MANBA: variants seen among roughly 807,000 people sequenced by gnomAD.
MANBA encodes the protein beta-mannosidase.
MANBA carries 83 observed loss-of-function variants against 111.1 expected under a neutral mutation model. That is an observed-to-expected ratio of 0.75 (90% CI 0.63 to 0.90). The LOEUF (loss-of-function observed/expected upper bound fraction) is 0.90. Ranked by LOEUF, MANBA falls within the 40% of genes least tolerant of loss-of-function variation. MANBA has a pLI of 0.00. For missense variants in MANBA, 1,036 were observed against 1,069.0 expected (o/e 0.97, Z 0.43); for synonymous variants, 370 against 378.7 (o/e 0.98, Z 0.27).
chr4:102,656,019 G>A (rs915667066), intron 12 of MANBA, among the ~76,000 whole-genome samples: 1 of 152,136 alleles, frequency 6.6e-6, no homozygotes, highest in Non-Finnish European at 1.5e-5. Context: ...TTGGGAGCCC[G>A]AGGTAGGAAG....
rs773251337 is a variant in MANBA at position 102,671,288 on chromosome 4, C to A, written c.1223G>T (p.Gly408Val). The change falls in exon 9 of 17, where the codon GGA becomes GTA. Residue 408 changes from glycine to valine, a missense_variant. Physicochemically the swap from Gly to Val is moderately radical, Grantham distance 109 (BLOSUM62 -3). Transcript: ENST00000647097. ...DEFYELCDELGIMVWQDFMFA... is the reference protein window; with the variant it reads ...DEFYELCDELVIMVWQDFMFA... ...ATGCTATCAACTTCTCACCATTATT[C>A]CTAGTTCATCACAGAGTTCATAGAA... 5 of 1,553,720 alleles carry A rather than the reference C, an allele frequency of 3.2e-6. No individual in the cohort carries two copies. Among genetic ancestry groups the A allele is most frequent in the Admixed American group, 3.3e-5 (2 of 59,924 alleles).
chr4:102,726,807 C>T, intron 1 of MANBA, 124 bp from the exon 2 acceptor site: 1 of 657,768 alleles, frequency 1.5e-6, no homozygotes, highest in Non-Finnish European at 2.7e-6. Flanking sequence ...AACTTTTAGC[C>T]TAGTAGTACA....
chr4:102,657,226 G>A (rs1173972968), intron 12 of MANBA, among the ~76,000 whole-genome samples: 1 of 124,932 alleles, frequency 8.0e-6, no homozygotes, highest in Non-Finnish European at 1.7e-5. Flanking sequence ...GTGGGGTGGG[G>A]GGGGGGTGGG....
At chr4:102,717,896 G>A (rs1298096218) in intron 4 of MANBA, among the ~76,000 whole-genome samples, 1 of 152,194 alleles carries the variant, frequency 6.6e-6, no homozygotes, top group Admixed American at 6.5e-5. Context: ...AAGAAAAGCA[G>A]TGCTGTGATC....
intron 1 of MANBA, among the ~76,000 whole-genome samples, chr4:102,749,377 T>C (rs552473682): frequency 6.6e-6 from 1 of 152,156 alleles, no homozygotes; most frequent in East Asian, 1.9e-4. Flanking sequence ...CAAAGAGAAT[T>C]CCAAGAGACG....
At chr4:102,681,137 C>CA (rs1210765196) in intron 7 of MANBA, among the ~76,000 whole-genome samples, 1 of 152,060 alleles carries the variant, frequency 6.6e-6, no homozygotes, top group Non-Finnish European at 1.5e-5. Context: ...TGTGTTGCAA[C>CA]ACCCACTTAC....
At chr4:102,656,912 C>T (rs1209795688) in intron 12 of MANBA, among the ~76,000 whole-genome samples, 2 of 151,964 alleles carry the variant, frequency 1.3e-5, no homozygotes, top group Non-Finnish European at 2.9e-5. Context: ...GTGCCTAAAA[C>T]TGGGGAGGAG....
intron 1 of MANBA, among the ~76,000 whole-genome samples, chr4:102,740,861 A>T (rs1723377396): frequency 6.6e-6 from 1 of 152,184 alleles, no homozygotes; most frequent in African/African-American, 2.4e-5. Context: ...AGAAGATAAC[A>T]TCAGAAAAAC....
intron 1 of MANBA, among the ~76,000 whole-genome samples, chr4:102,731,887 C>G (rs1723044129): frequency 1.3e-5 from 2 of 150,852 alleles, no homozygotes; most frequent in South Asian, 4.2e-4. Context: ...TCTTTCTTCT[C>G]CTACCCCCTT....
chr4:102,669,384 C>T (rs995622684), intron 9 of MANBA, among the ~76,000 whole-genome samples: 2 of 152,284 alleles, frequency 1.3e-5, no homozygotes, highest in African/African-American at 4.8e-5. Flanking sequence ...TAATTCATTC[C>T]AATTTTCACC....
At chr4:102,648,397 G>A (rs1730192955) in intron 13 of MANBA, among the ~76,000 whole-genome samples, 1 of 152,014 alleles carries the variant, frequency 6.6e-6, no homozygotes, top group Non-Finnish European at 1.5e-5. Context: ...AATAGTATTT[G>A]GCAAGAAAAA....
At chr4:102,688,266 C>T (rs987584679) in intron 7 of MANBA, among the ~76,000 whole-genome samples, 2 of 151,814 alleles carry the variant, frequency 1.3e-5, no homozygotes, top group Non-Finnish European at 2.9e-5. Context: ...TCTCCCTGTA[C>T]ATAACTCTGT....
Position 102,671,333 on chromosome 4 carries a change from C to T in MANBA, c.1178G>A (p.Gly393Glu). Residue 393 changes from glycine to glutamate, a missense_variant, in exon 9 of 17, where the codon GGA becomes GAA. Physicochemically the swap from Gly to Glu is moderately conservative, Grantham distance 98. Coordinates refer to ENST00000647097, the MANE Select transcript of MANBA (RefSeq NM_005908.4). Reference protein sequence around the residue: ...NMNTLRVWGGGIYEQDEFYEL... With the variant: ...NMNTLRVWGGEIYEQDEFYEL... ...ATAGAATTCATCCTGCTCATAAATT[C>T]CTCCTCCCCAAACCCGAAGAGTATT... is the stretch of plus-strand genomic sequence containing the variant. 6 of 1,608,756 alleles carry T rather than the reference C, an allele frequency of 3.7e-6. No individual in the cohort carries two copies. The highest frequency in any genetic ancestry group is 5.1e-6 in the Non-Finnish European group (6 of 1,175,322).
In MANBA at chr4:102,639,857, C is replaced by T; in HGVS notation, c.1870G>A (p.Val624Met). Residue 624 changes from valine to methionine, a missense_variant and splice_region_variant, in exon 14 of 17, where the codon GTG (valine) becomes ATG (methionine). By Grantham distance (21) the Val-to-Met change is conservative (BLOSUM62 1). Transcript: ENST00000647097. Reference sequence around the variant, plus strand: ...GTTTTGACACACTGGGCCTGCATCACCTGATTCAGGAAAACATTCATACAC... The same window carrying T: ...GTTTTGACACACTGGGCCTGCATCATCTGATTCAGGAAAACATTCATACAC... ...TFKDTIYLTQVMQAQCVKTET... is the reference protein window; with the variant it reads ...TFKDTIYLTQMMQAQCVKTET... 2 of 1,613,942 alleles carry T rather than the reference C, an allele frequency of 1.2e-6. No homozygotes were observed. The highest frequency in any genetic ancestry group is 1.7e-6 in the Non-Finnish European group (2 of 1,179,900).
At chr4:102,682,009 T>C (rs1288002281) in intron 7 of MANBA, among the ~76,000 whole-genome samples, 1 of 151,956 alleles carries the variant, frequency 6.6e-6, no homozygotes, top group African/African-American at 2.4e-5. Context: ...TAGCCGGGCA[T>C]GGTGGTGCGT....
chr4:102,658,553 C>A (rs1319071489), intron 11 of MANBA, among the ~76,000 whole-genome samples: 1 of 152,168 alleles, frequency 6.6e-6, no homozygotes, highest in Non-Finnish European at 1.5e-5. Context: ...AATAATAGTA[C>A]CTCCTTTAGA....
At chr4:102,759,222 G>A (rs552865535) in intron 1 of MANBA, among the ~76,000 whole-genome samples, 10 of 148,800 alleles carry the variant, frequency 6.7e-5, no homozygotes, top group Admixed American at 6.0e-4. Context: ...TTCCCACCTC[G>A]GCCTCATAGA....
At chr4:102,642,879 T>C (rs567970661) in intron 13 of MANBA, among the ~76,000 whole-genome samples, 1 of 152,266 alleles carries the variant, frequency 6.6e-6, no homozygotes, top group Non-Finnish European at 1.5e-5. Context: ...GTGACTAAGT[T>C]CCCTCAATAT....
intron 5 of MANBA, among the ~76,000 whole-genome samples, chr4:102,701,457 A>G (rs1396836626): frequency 1.3e-5 from 2 of 152,146 alleles, no homozygotes; most frequent in Admixed American, 6.5e-5. Context: ...CCTAGTCTCC[A>G]TGGTCTTTAC....
Sources: allele counts gnomAD v4.1 joint callset (sites outside exome capture counted in the v4.1 genomes callset), GRCh38; gene constraint gnomAD v4.1.1; transcripts MANE v1.5; gene names NCBI Gene and HGNC (gene_info 2026-07-23, HGNC 2026-07-21).